CCNH: variants seen among roughly 807,000 people sequenced by gnomAD.
The protein encoded by CCNH is cyclin H.
In CCNH, 31 loss-of-function variants were observed where a neutral mutation model predicts 41.9. The ratio of observed to expected loss-of-function variants is 0.74; its 90% CI spans 0.56 to 1.00. CCNH has a LOEUF of 1.00. Among genes scored for constraint, CCNH ranks in the 50% least tolerant of loss-of-function variants. The probability of loss-of-function intolerance (pLI) is 0.00; values close to 1 mark genes in which losing one functional copy is unlikely to be tolerated. For synonymous variants in CCNH, 138 were observed against 136.1 expected, an observed-to-expected ratio of 1.01 and a Z score of -0.10; for missense variants, 362 against 388.4, an observed-to-expected ratio of 0.93 and a Z score of 0.57.
intron 9 of CCNH, among the ~76,000 whole-genome samples, chr5:87,336,636 G>A (rs921194838): frequency 6.6e-6 from 1 of 151,940 alleles, no homozygotes; most frequent in African/African-American, 2.4e-5. Context: ...ATGAAAAGTT[G>A]GTATAGCAAC....
intron 9 of CCNH, among the ~76,000 whole-genome samples, chr5:87,328,979 G>A (rs959584155): frequency 1.3e-5 from 2 of 151,730 alleles, no homozygotes; most frequent in African/African-American, 4.8e-5. Context: ...TTTAATTGCA[G>A]TTTATAGTCA....
At position 87,322,473 on chromosome 5, in the gene CCNH, C is replaced by A. The variant is rs79878907; in HGVS notation, c.*91-3576G>T. ...CCCTTGTCTGTGGAAAAATTGTCTT[C>A]CACTAAATCAGTCAGTCCCTGGTGC... On this transcript the variant is annotated intron_variant and NMD_transcript_variant, in intron 9 of 9. Transcript: ENST00000645953. 6.7e-3 allele frequency among the ~76,000 whole-genome samples: 1,019 copies of A among 152,290 alleles called. 10 individuals carry two copies. The highest frequency in any genetic ancestry group is 0.023 in the African/African-American group (953 of 41,554).
rs1561300385 is a variant in CCNH at position 87,349,262 on chromosome 5, G to C, written c.*91-30365C>G. 1 of 1,612,022 alleles carries C rather than the reference G, an allele frequency of 6.2e-7. No individual in the cohort carries two copies. The highest frequency in any genetic ancestry group is 8.5e-7 in the Non-Finnish European group (1 of 1,178,698). ...GTGAGGCCCTCAGATAATACTCCTG[G>C]CGATTATTCACTTTATTTCCGGACC... On this transcript the variant is annotated intron_variant and NMD_transcript_variant, in intron 9 of 9. Coordinates refer to the CCNH transcript ENST00000645953.
intron 9 of CCNH, among the ~76,000 whole-genome samples, chr5:87,370,730 A>G (rs1174109063): frequency 6.6e-6 from 1 of 152,200 alleles, no homozygotes; most frequent in African/African-American, 2.4e-5. Flanking sequence ...ATACAAATAC[A>G]GCTAAATTTC....
Position 87,408,004 on chromosome 5 carries a change from G to A in CCNH, c.497C>T (p.Pro166Leu). The change falls in exon 4 of 9, where the codon CCA (proline) becomes CTA (leucine). Residue 166 changes from proline (P) to leucine (L), a missense_variant. Coordinates refer to ENST00000256897, the MANE Select transcript of CCNH (RefSeq NM_001239.4). ...FHLIVHNPYR[P>L]FEGFLIDLKT... ...TAAGTCGATGAGGAAGCCCTCAAAT[G>A]GTCTGTAAGGATTGTGGACAATAAG... The A allele has an allele frequency of 6.2e-7, 1 of 1,612,898 alleles. No individual in the cohort carries two copies.
chr5:87,396,406 C>G (rs189603126), intron 7 of CCNH, among the ~76,000 whole-genome samples: 1 of 151,956 alleles, frequency 6.6e-6, no homozygotes, highest in Non-Finnish European at 1.5e-5. Flanking sequence ...CGGATCACGA[C>G]GTCAGGAGCT....
intron 5 of CCNH, among the ~76,000 whole-genome samples, chr5:87,403,056 C>A (rs1254001198): frequency 6.6e-6 from 1 of 152,096 alleles, no homozygotes; most frequent in African/African-American, 2.4e-5. Flanking sequence ...CCAGAAATAA[C>A]GGTAATAATC....
chr5:87,335,724 C>T (rs528159466), intron 9 of CCNH, among the ~76,000 whole-genome samples: 1 of 152,024 alleles, frequency 6.6e-6, no homozygotes, highest in East Asian at 1.9e-4. Context: ...TCGTGGCTGG[C>T]CAAGAATGAG....
chr5:87,372,099 GTGC>G, downstream of CCNH: 1 of 1,610,588 alleles, frequency 6.2e-7, no homozygotes, highest in Non-Finnish European at 8.5e-7. Flanking sequence ...TTTCTTTGAA[GTGC>G]TGTTTTTCTT....
At chr5:87,383,059 A>C (rs919043125) in intron 9 of CCNH, among the ~76,000 whole-genome samples, 2 of 152,056 alleles carry the variant, frequency 1.3e-5, no homozygotes, top group Admixed American at 6.6e-5. Flanking sequence ...GGGCCACTGC[A>C]CTCCAGCCTG....
At chr5:87,412,436 C>G in intron 1 of CCNH, 2 of 1,369,554 alleles carry the variant, frequency 1.5e-6, no homozygotes, top group Middle Eastern at 2.8e-4. Flanking sequence ...ACTACTTACT[C>G]TCTTCTTCAC....
At chr5:87,412,584 G>A (rs559256401) in intron 1 of CCNH, 94 bp downstream of exon 1, 562 of 1,523,184 alleles carry the variant, frequency 3.7e-4, no homozygotes, top group Non-Finnish European at 4.6e-4. Flanking sequence ...GCAGAGAAAC[G>A]ACGGAGCGAG....
intron 9 of CCNH, among the ~76,000 whole-genome samples, chr5:87,339,147 G>C (rs1321507466): frequency 6.6e-6 from 1 of 151,728 alleles, no homozygotes; most frequent in Non-Finnish European, 1.5e-5. Flanking sequence ...GAAGAGTATT[G>C]CTCCTGGAAG....
chr5:87,412,523 T>C (rs1014150550), intron 1 of CCNH, 155 bp downstream of exon 1: 4 of 1,441,212 alleles, frequency 2.8e-6, no homozygotes, highest in African/African-American at 1.4e-5. Context: ...CCACGGAACC[T>C]GGCAAGGTGC....
At chr5:87,378,233 A>G (rs557481333), upstream of CCNH, among the ~76,000 whole-genome samples, 1 of 152,368 alleles carries the variant, frequency 6.6e-6, no homozygotes, top group South Asian at 2.1e-4. Context: ...TTAAGTCTGT[A>G]GAAGTATAGG....
At chr5:87,386,725 T>C, downstream of CCNH, 3 of 948,752 alleles carry the variant, frequency 3.2e-6, no homozygotes, top group Non-Finnish European at 5.2e-6. Context: ...GCAATAGTAA[T>C]TGCAGTTTTT....
intron 9 of CCNH, among the ~76,000 whole-genome samples, chr5:87,365,658 A>G (rs1760459638): frequency 6.6e-6 from 1 of 152,092 alleles, no homozygotes; most frequent in African/African-American, 2.4e-5. Flanking sequence ...CATAAGGGCA[A>G]TTTAGTGACT....
intron 4 of CCNH, among the ~76,000 whole-genome samples, chr5:87,406,512 C>T (rs530223027): frequency 1.3e-5 from 2 of 152,026 alleles, no homozygotes; most frequent in East Asian, 3.9e-4. Flanking sequence ...ATTCAAAATC[C>T]GAAATGCTCC....
chr5:87,333,383 A>G (rs370271481), intron 9 of CCNH: 8 of 1,605,114 alleles, frequency 5.0e-6, no homozygotes, highest in Non-Finnish European at 6.8e-6. Context: ...AAAGAGCTAG[A>G]CTTCGAAGAT....
Sources: gnomAD v4.1 joint callset for allele counts (sites outside exome capture counted in the v4.1 genomes callset) on GRCh38, gnomAD v4.1.1 for gene constraint, MANE v1.5 for transcripts, NCBI Gene and HGNC (gene_info 2026-07-23, HGNC 2026-07-21) for gene names.